Variants in DHRS9 observed in about 807,000 individuals in gnomAD.
DHRS9 encodes dehydrogenase/reductase 9.
Under a neutral mutation model 26.6 loss-of-function variants are expected in DHRS9, and 18 were observed. That is an observed-to-expected ratio of 0.68 (90% CI 0.47 to 1.00). DHRS9 has a LOEUF of 1.00. DHRS9 is among the 50% of genes least tolerant of loss of function. DHRS9 has a pLI of 0.00. For missense variants in DHRS9, 425 were observed against 378.7 expected (o/e 1.12, Z -1.01); for synonymous variants, 134 against 141.1 (o/e 0.95, Z 0.36).
chr2:169,073,901 T>TG (rs2105280234), intron 1 of DHRS9, among the ~76,000 whole-genome samples: 1 of 152,246 alleles, frequency 6.6e-6, no homozygotes, highest in South Asian at 2.1e-4. Flanking sequence ...GGTTCTAAAC[T>TG]GGGGGATATT....
At chr2:169,078,958 C>T (rs1684057380) in intron 1 of DHRS9, among the ~76,000 whole-genome samples, 1 of 151,018 alleles carries the variant, frequency 6.6e-6, no homozygotes, top group South Asian at 2.1e-4. Context: ...CCTGATTCTC[C>T]AGCCCTAGCC....
chr2:169,078,815 C>CTTT (rs200691133), intron 1 of DHRS9, among the ~76,000 whole-genome samples: 1,282 of 110,146 alleles, frequency 0.012, 159 homozygotes, highest in African/African-American at 0.045. Flanking sequence ...TATCAACTGA[C>CTTT]TTTTTTTTTT....
intron 1 of DHRS9, among the ~76,000 whole-genome samples, chr2:169,076,827 A>G (rs1558950292): frequency 6.6e-6 from 1 of 152,246 alleles, no homozygotes; most frequent in Non-Finnish European, 1.5e-5. Context: ...CAATTAACAC[A>G]TATTTTGTAT....
In DHRS9 at chr2:169,081,506, T is replaced by C. The variant is rs1684179998; in HGVS notation, c.-59-17T>C. ...GTAGTTCTAATTTGAATTTTCTTTT[T>C]CACTTTGAACACTCAGGACACCATC... On this transcript the variant is annotated splice_polypyrimidine_tract_variant and intron_variant, in intron 1 of 4. Coordinates refer to ENST00000674881, the MANE Select transcript of DHRS9 (RefSeq NM_001376924.1). 6.5e-7 allele frequency: 1 copy of C among 1,534,616 alleles called. No individual in the cohort carries two copies. Among genetic ancestry groups the C allele is most frequent in the East Asian group, 2.3e-5 (1 of 44,154 alleles).
At chr2:169,085,835 C>T (rs11897595) in intron 3 of DHRS9, among the ~76,000 whole-genome samples, 59,552 of 151,898 alleles carry the variant, frequency 0.39, 13,833 homozygotes, top group African/African-American at 0.65. Flanking sequence ...ATTTGACTTC[C>T]TCCTTTCCAA....
chr2:169,087,670 TTTTC>T, intron 3 of DHRS9, among the ~76,000 whole-genome samples: 1 of 152,002 alleles, frequency 6.6e-6, no homozygotes, highest in East Asian at 1.9e-4. Context: ...TGCTCCTGAT[TTTTC>T]AGGGCCCAAG....
upstream of DHRS9, chr2:169,067,383 T>A: frequency 7.0e-7 from 1 of 1,420,746 alleles, no homozygotes; most frequent in Non-Finnish European, 9.3e-7. Flanking sequence ...GCCTCAGATC[T>A]GAGTTTCCTC....
At chr2:169,075,882 T>C (rs1199756162) in intron 1 of DHRS9, among the ~76,000 whole-genome samples, 1 of 152,174 alleles carries the variant, frequency 6.6e-6, no homozygotes, top group Non-Finnish European at 1.5e-5. Flanking sequence ...CCTTATCACT[T>C]GGTTAAGGTG....
chr2:169,095,051 G>A (rs1684650680), intron 4 of DHRS9, among the ~76,000 whole-genome samples: 1 of 152,128 alleles, frequency 6.6e-6, no homozygotes, highest in Non-Finnish European at 1.5e-5. Context: ...ACAAGCACAT[G>A]TGCAACCCAC....
At chr2:169,075,837 C>T (rs973294446) in intron 1 of DHRS9, among the ~76,000 whole-genome samples, 3 of 151,940 alleles carry the variant, frequency 2.0e-5, no homozygotes, top group African/African-American at 7.3e-5. Flanking sequence ...AGGGGGCATG[C>T]GATGTTGGTT....
chr2:169,081,925 C>T, intron 2 of DHRS9, 31 bp downstream of exon 2: 1 of 1,567,094 alleles, frequency 6.4e-7, no homozygotes, highest in Non-Finnish European at 8.6e-7. Flanking sequence ...TAGGATGGGA[C>T]AGGGATAGGG....
intron 4 of DHRS9, among the ~76,000 whole-genome samples, chr2:169,093,360 GCA>G (rs1156332613): frequency 1.4e-5 from 2 of 144,400 alleles, no homozygotes; most frequent in African/African-American, 2.7e-5. Flanking sequence ...ACACACACAT[GCA>G]CACACACAGA....
At chr2:169,075,645 G>A (rs1683942092) in intron 1 of DHRS9, among the ~76,000 whole-genome samples, 1 of 151,992 alleles carries the variant, frequency 6.6e-6, no homozygotes, top group Non-Finnish European at 1.5e-5. Flanking sequence ...GCATTTGGTT[G>A]TTGTATCTCG....
intron 2 of DHRS9, 127 bp downstream of exon 2, chr2:169,082,021 A>G: frequency 1.0e-6 from 1 of 968,348 alleles, no homozygotes; most frequent in Non-Finnish European, 1.5e-6. Flanking sequence ...CCGGCTGTGT[A>G]CTTCTCTAAT....
chr2:169,088,604 C>T (rs1684424885), intron 3 of DHRS9, among the ~76,000 whole-genome samples: 2 of 152,148 alleles, frequency 1.3e-5, no homozygotes, highest in South Asian at 4.1e-4. Flanking sequence ...CTATTTAGTA[C>T]TTTAAGTTAT....
At chr2:169,067,250 C>G (rs1367332786), upstream of DHRS9, 10 of 1,535,352 alleles carry the variant, frequency 6.5e-6, no homozygotes, top group East Asian at 9.8e-5. Context: ...TTGGACCCAC[C>G]ACAGCCTGCA....
upstream of DHRS9, among the ~76,000 whole-genome samples, chr2:169,068,563 T>C (rs776314717): frequency 2.0e-5 from 3 of 152,134 alleles, no homozygotes; most frequent in Non-Finnish European, 4.4e-5. Context: ...TGACCTCAAG[T>C]GATCCGCCCG....
chr2:169,080,049 GAAAAT>G (rs1558951727), intron 1 of DHRS9, among the ~76,000 whole-genome samples: 8 of 138,004 alleles, frequency 5.8e-5, no homozygotes, highest in Non-Finnish European at 1.1e-4. Context: ...AAGAAAGAAA[GAAAAT>G]AAAGTCCAAA....
chr2:169,071,407 T>G (rs184153511), intron 1 of DHRS9, among the ~76,000 whole-genome samples: 3 of 152,308 alleles, frequency 2.0e-5, no homozygotes, highest in Admixed American at 1.3e-4. Context: ...GAATTATAAT[T>G]TAAACGTTTT....
Sources: gnomAD v4.1 joint callset for allele counts (sites outside exome capture counted in the v4.1 genomes callset) on GRCh38, gnomAD v4.1.1 for gene constraint, MANE v1.5 for transcripts, NCBI Gene and HGNC (gene_info 2026-07-23, HGNC 2026-07-21) for gene names.